The following TTN variants were observed in gnomAD, a reference collection of about 807,000 sequenced individuals.
The protein encoded by TTN is titin, also known as connectin.
In TTN, 1,525 loss-of-function variants were observed where a neutral mutation model predicts 3,223.0. The observed-to-expected ratio is 0.47, with a 90% confidence interval of 0.45 to 0.49. The LOEUF (loss-of-function observed/expected upper bound fraction) is 0.49, where lower values mean the gene tolerates loss of function less well. Among genes scored for constraint, TTN ranks in the 20% least tolerant of loss-of-function variants. TTN has a pLI of 0.00. For synonymous variants in TTN, 14,094 were observed against 15,161.0 expected, an observed-to-expected ratio of 0.93 and a Z score of 5.17; for missense variants, 40,786 against 43,424.0, an observed-to-expected ratio of 0.94 and a Z score of 5.40.
rs28378468 is a variant in TTN at position 178,597,232 on chromosome 2, C to T, written c.57544+306G>A. ...ATGATTCAGAATACATATTCATGGC[C>T]TTCTAGCAATTTGAGAATTGTGTAC... On this transcript the variant is annotated intron_variant, in intron 294 of 362. Coordinates refer to ENST00000589042, the MANE Select transcript of TTN (RefSeq NM_001267550.2). 0.094 allele frequency among the ~76,000 whole-genome samples: 14,330 copies of T among 152,024 alleles called. 1,217 individuals are homozygous for T. The highest frequency in any genetic ancestry group is 0.2 in the African/African-American group (8,288 of 41,460).
chr2:178,740,503 T>C lies in TTN; in HGVS notation c.12730A>G (p.Thr4244Ala). The change falls in exon 48 of 363, where the codon ACC becomes GCC. Residue 4244 changes from threonine to alanine, a missense_variant. Coordinates refer to ENST00000589042, the MANE Select transcript of TTN (RefSeq NM_001267550.2). ...LSPKEKTVSD[T>A]NREQRVTLQK... ...AGAGTCACTCTTTGCTCTCTGTTGGTGTCAGATACTGTCTTTTCTTTTGGT... is the reference window on the plus strand; with the variant it reads ...AGAGTCACTCTTTGCTCTCTGTTGGCGTCAGATACTGTCTTTTCTTTTGGT... The C allele has an allele frequency of 6.2e-7, 1 of 1,613,748 alleles. No individual in the cohort carries two copies. Among genetic ancestry groups the C allele is most frequent in the Non-Finnish European group, 8.5e-7 (1 of 1,179,808 alleles).
Position 178,620,116 on chromosome 2 carries a change from A to G in TTN, c.46305-4T>C. 1 of 1,607,406 alleles carries G rather than the reference A, an allele frequency of 6.2e-7. No individual in the cohort carries two copies. Among genetic ancestry groups the G allele is most frequent in the Non-Finnish European group, 8.5e-7 (1 of 1,177,578 alleles). ...TCCATCTTTTTCAAATTTGTATCTA[A>G]AGGAGACATTGGATTATCAGTTAGC... On this transcript the variant is annotated splice_polypyrimidine_tract_variant and splice_region_variant and intron_variant, in intron 248 of 362. Coordinates refer to ENST00000589042, the MANE Select transcript of TTN (RefSeq NM_001267550.2).
In TTN at chr2:178,768,676, C is replaced by T. The variant is rs397517779; in HGVS notation, c.9160G>A (p.Glu3054Lys). The T allele has an allele frequency of 1.9e-6, 3 of 1,614,074 alleles. No individual in the cohort carries two copies. Among genetic ancestry groups the T allele is most frequent in the Non-Finnish European group, 1.7e-6 (2 of 1,180,006 alleles). ...KATSTATLYVEARHIEFRKHI... is the reference protein window; with the variant it reads ...KATSTATLYVKARHIEFRKHI... ...TCTAATATGTATGAAACCATACCTT[C>T]CACATAAAGTGTGGCTGTTGATGTT... The change falls in exon 38 of 363, where the codon GAA becomes AAA. Residue 3054 changes from glutamate (E) to lysine (K), a missense_variant. Physicochemically the swap from Glu to Lys is moderately conservative, Grantham distance 56. Coordinates refer to ENST00000589042, the MANE Select transcript of TTN (RefSeq NM_001267550.2).
Position 178,692,093 on chromosome 2 carries a change from T to C in TTN, c.31685A>G (p.Glu10562Gly). 1 of 1,611,994 alleles carries C rather than the reference T, an allele frequency of 6.2e-7. No homozygotes were observed. ...CTCTGGCACGGGTTTCTTGGGAACC[T>C]CAGGAACTTTAAAGATACAATTGTT... is the stretch of plus-strand genomic sequence containing the variant. ...KVEPPAPKVP[E>G]VPKKPVPEEK... The change falls in exon 121 of 363, where the codon GAG (glutamate) becomes GGG (glycine). Residue 10562 changes from glutamate (E) to glycine (G), a missense_variant. By Grantham distance (98) the Glu-to-Gly change is moderately conservative. Transcript: ENST00000589042.
rs777360482 is a variant in TTN, at chr2:178,714,103, G to T, written c.26555C>A (p.Thr8852Lys). ...ACTGAGTTCAGGGGTGCCAGCTACTGTACACTCCAAGGTACAGGTGTCTCC... is the reference window on the plus strand; with the variant it reads ...ACTGAGTTCAGGGGTGCCAGCTACTTTACACTCCAAGGTACAGGTGTCTCC... ...TTGDTCTLECTVAGTPELSTK... is the reference protein window; with the variant it reads ...TTGDTCTLECKVAGTPELSTK... The change falls in exon 92 of 363, where the codon ACA becomes AAA. Residue 8852 changes from threonine to lysine, a missense_variant. Thr to Lys is a moderately conservative substitution (Grantham distance 78). Transcript: ENST00000589042. The T allele has an allele frequency of 3.1e-6, 5 of 1,613,676 alleles. No homozygotes were observed. In the South Asian group the frequency reaches 3.3e-5, roughly 11 times the overall value.
rs112435019 is a variant in TTN, at chr2:178,546,982, C to T, written c.94522+21G>A. The T allele has an allele frequency of 3.1e-6, 5 of 1,596,338 alleles. No homozygotes were observed. In the South Asian group the frequency reaches 3.4e-5, roughly 11 times the overall value. ...GAATCAGTAATAATAAACAAATATGCCCTTAAATTGTGATACATACCAACT... is the reference window on the plus strand; with the variant it reads ...GAATCAGTAATAATAAACAAATATGTCCTTAAATTGTGATACATACCAACT... On this transcript the variant is annotated intron_variant, in intron 340 of 362. Coordinates refer to ENST00000589042, the MANE Select transcript of TTN (RefSeq NM_001267550.2).
chr2:178,563,981 G>T lies in TTN; in HGVS notation c.82151C>A (p.Ala27384Glu), dbSNP rs775005409. 3 of 1,613,596 alleles carry T rather than the reference G, an allele frequency of 1.9e-6. No individual in the cohort carries two copies. The highest frequency in any genetic ancestry group is 4.5e-5 in the East Asian group (2 of 44,824). ...EGPLKVTGVT[A>E]EKCYLAWNPP... ...GTTCCATGCCAGGTAACATTTTTCC[G>T]CAGTAACTCCAGTAACTTTCAGAGG... The change falls in exon 326 of 363, where the codon GCG becomes GAG. Residue 27384 changes from alanine to glutamate, a missense_variant. Coordinates refer to ENST00000589042, the MANE Select transcript of TTN (RefSeq NM_001267550.2). This position sits in a 1 kb window ranked among gnomAD's most constrained non-coding sequence, Gnocchi z 4.5.
Position 178,712,927 on chromosome 2 carries a change from C to T in TTN, c.27098G>A (p.Gly9033Glu). ...GATACTTGTGAAAGTTACATTGGTC[C>T]CAGTTAAAACATCCATGGGATCAGG... ...QKPDPMDVLT[G>E]TNVTFTSIVK... The change falls in exon 94 of 363, where the codon GGG (glycine) becomes GAG (glutamate). Residue 9033 changes from glycine to glutamate, a missense_variant. Gly to Glu is a moderately conservative substitution (Grantham distance 98). Coordinates refer to ENST00000589042, the MANE Select transcript of TTN (RefSeq NM_001267550.2). 6.2e-7 allele frequency: 1 copy of T among 1,613,000 alleles called. No individual in the cohort carries two copies. Among genetic ancestry groups the T allele is most frequent in the Non-Finnish European group, 8.5e-7 (1 of 1,179,430 alleles).
At position 178,604,164 on chromosome 2, in the gene TTN, C is replaced by T. The variant is rs776320086; in HGVS notation, c.54523G>A (p.Val18175Ile). ...ATTGATCCTTTGGTGCGTGCCAAAA[C>T]TTTTGGTTTTCCTGGAGGTCCAGGA... Reference protein sequence around the residue: ...RLPGPPGKPKVLARTKGSMLV... With the variant: ...RLPGPPGKPKILARTKGSMLV... The change falls in exon 282 of 363, where the codon GTT becomes ATT. Residue 18175 changes from valine (V) to isoleucine (I), a missense_variant. Physicochemically the swap from Val to Ile is conservative, Grantham distance 29 (BLOSUM62 3). Transcript: ENST00000589042. 5.0e-6 allele frequency: 8 copies of T among 1,612,198 alleles called. No homozygotes were observed. Among genetic ancestry groups the T allele is most frequent in the Non-Finnish European group, 5.1e-6 (6 of 1,178,932 alleles).
Position 178,717,439 on chromosome 2 carries a change from G to A in TTN, c.25352-57C>T, listed in dbSNP as rs143761783. 296 of 1,566,616 alleles carry A rather than the reference G, an allele frequency of 1.9e-4. 1 individual carries two copies. Among genetic ancestry groups the A allele is most frequent in the Middle Eastern group, 5.2e-4 (3 of 5,790 alleles). ...TTATTTCCATGCTCTCACATACAGAGCAGAAACTAAATGGCACCAGCCTTT... is the reference window on the plus strand; with the variant it reads ...TTATTTCCATGCTCTCACATACAGAACAGAAACTAAATGGCACCAGCCTTT... On this transcript the variant is annotated intron_variant, in intron 87 of 362. Transcript: ENST00000589042.
At chr2:178,762,837 A>G (rs2089561433) in intron 43 of TTN, among the ~76,000 whole-genome samples, 1 of 152,230 alleles carries the variant, frequency 6.6e-6, no homozygotes, top group Admixed American at 6.5e-5. Flanking sequence ...AAATGAATGT[A>G]TTGAGCCCCA....
chr2:178,771,519 C>T (rs1184414770), intron 33 of TTN, 48 bp from the exon 34 acceptor site: 2 of 1,610,686 alleles, frequency 1.2e-6, no homozygotes, highest in South Asian at 1.1e-5. Context: ...CATATTCACA[C>T]AATGGGAAAA....
chr2:178,758,245 T>C (rs1468131549), intron 44 of TTN, among the ~76,000 whole-genome samples: 1 of 152,210 alleles, frequency 6.6e-6, no homozygotes, highest in Admixed American at 6.5e-5. Flanking sequence ...CACTTTAAAT[T>C]CATTATTTAA....
At chr2:178,605,910 C>T (rs1391298797) in intron 278 of TTN, among the ~76,000 whole-genome samples, 197 bp from the exon 279 acceptor site, 1 of 151,882 alleles carries the variant, frequency 6.6e-6, no homozygotes, top group Non-Finnish European at 1.5e-5. Flanking sequence ...TCTTAGCAAA[C>T]TTTTCATCAA....
Position 178,729,172 on chromosome 2 carries a change from G to A in TTN, c.18869-3C>T, listed in dbSNP as rs2079916607. 2.5e-6 allele frequency: 4 copies of A among 1,572,592 alleles called. No individual in the cohort carries two copies. The highest frequency in any genetic ancestry group is 2.6e-6 in the Non-Finnish European group (3 of 1,160,364). ...CTTCTTAATGAATGATGGTGGTTCT[G>A]TGATTAAATAAGAGAGTGTGAAAAG... On this transcript the variant is annotated splice_region_variant and splice_polypyrimidine_tract_variant and intron_variant, in intron 64 of 362. Transcript: ENST00000589042.
Position 178,617,437 on chromosome 2 carries a change from G to T in TTN, c.47648C>A (p.Pro15883His). The T allele has an allele frequency of 6.3e-7, 1 of 1,596,754 alleles. No individual in the cohort carries two copies. The highest frequency in any genetic ancestry group is 2.3e-5 in the East Asian group (1 of 44,290). ...QSSVQLKWEPPLKDGGSPILG... is the reference protein window; with the variant it reads ...QSSVQLKWEPHLKDGGSPILG... ...TATTGGGCTTCCTCCATCTTTCAGA[G>T]GAGGTTCCCATTTGAGCTGAACTGA... is the stretch of plus-strand genomic sequence containing the variant. The change falls in exon 254 of 363, where the codon CCT (proline) becomes CAT (histidine). Residue 15883 changes from proline to histidine, a missense_variant. Transcript: ENST00000589042.
At chr2:178,781,614 T>C (rs1020166958) in intron 20 of TTN, among the ~76,000 whole-genome samples, 1 of 152,220 alleles carries the variant, frequency 6.6e-6, no homozygotes, top group Non-Finnish European at 1.5e-5. Flanking sequence ...AGAGATCAAA[T>C]GAATAATTAA....
At position 178,552,772 on chromosome 2, in the gene TTN, G is replaced by A; in HGVS notation, c.90128C>T (p.Thr30043Ile). The A allele has an allele frequency of 6.2e-7, 1 of 1,613,950 alleles. No individual in the cohort carries two copies. Among genetic ancestry groups the A allele is most frequent in the Non-Finnish European group, 8.5e-7 (1 of 1,179,844 alleles). ...CCAGCTGAGGATGACAGATGTCTTT[G>A]TTGAGTCTTTCATTGAGAGATCACG... The part of the protein sequence containing the change: ...PIRDLSMKDS[T>I]KTSVILSWTK... The change falls in exon 335 of 363, where the codon ACA (threonine) becomes ATA (isoleucine). Residue 30043 changes from threonine to isoleucine, a missense_variant. Physicochemically the swap from Thr to Ile is moderately conservative, Grantham distance 89 (BLOSUM62 -1). Coordinates refer to ENST00000589042, the MANE Select transcript of TTN (RefSeq NM_001267550.2).
Position 178,581,762 on chromosome 2 carries a change from G to A in TTN, c.66506C>T (p.Thr22169Ile). The stretch of plus-strand genomic sequence containing the variant: ...CCAAGATAGACTCACAGAGCTGCGA[G>A]TTGTATCATATACTTTAGGGAAAGC... ...PPAFPKVYDT[T>I]RSSVSLSWGK... The change falls in exon 316 of 363, where the codon ACT becomes ATT. Residue 22169 changes from threonine to isoleucine, a missense_variant. Coordinates refer to ENST00000589042, the MANE Select transcript of TTN (RefSeq NM_001267550.2). 1 of 1,605,792 alleles carries A rather than the reference G, an allele frequency of 6.2e-7. No individual in the cohort carries two copies. Among genetic ancestry groups the A allele is most frequent in the Non-Finnish European group, 8.5e-7 (1 of 1,175,590 alleles).
Sources: allele counts gnomAD v4.1 joint callset (sites outside exome capture counted in the v4.1 genomes callset), GRCh38; gene constraint gnomAD v4.1.1; non-coding constraint Gnocchi (gnomAD v3.1); transcripts MANE v1.5; gene names NCBI Gene and HGNC (gene_info 2026-07-23, HGNC 2026-07-21).